SUGT1: variants seen among roughly 807,000 people sequenced by gnomAD.
The protein encoded by SUGT1 is protein SGT1 homolog.
Under a neutral mutation model 56.1 loss-of-function variants are expected in SUGT1, and 15 were observed. That is an observed-to-expected ratio of 0.27 (90% CI 0.18 to 0.41). The LOEUF (loss-of-function observed/expected upper bound fraction) is 0.41, where lower values mean the gene tolerates loss of function less well. Among genes scored for constraint, SUGT1 ranks in the 10% least tolerant of loss-of-function variants. SUGT1 has a pLI of 1.00. For missense variants in SUGT1, 347 were observed against 382.2 expected (o/e 0.91, Z 0.77); for synonymous variants, 123 against 128.6 (o/e 0.96, Z 0.30).
rs1338645906 is a variant in SUGT1, at chr13:52,663,009, G to T, written c.383-87G>T. On this transcript the variant is annotated intron_variant, in intron 6 of 12. Coordinates refer to ENST00000310528, the MANE Select transcript of SUGT1 (RefSeq NM_006704.5). The stretch of plus-strand genomic sequence containing the variant: ...TACGGAGAATTTGCTTGCTTAATCA[G>T]TATGTTTGTGCTATAGAAATCATAC... The T allele has an allele frequency of 9.0e-6, 13 of 1,439,472 alleles. No homozygotes were observed. The South Asian group carries it at 1.5e-4, about 17-fold the overall frequency. The allele number at this position is 1,439,472 out of a possible 1,614,324, so 89.2% of individuals were successfully genotyped here. A position where few individuals can be genotyped will look rare whatever the true frequency, so the allele number is the denominator to read the frequency against.
At chr13:52,681,415 CAAAA>C (rs201016706) in intron 12 of SUGT1, among the ~76,000 whole-genome samples, 156 of 90,966 alleles carry the variant, frequency 1.7e-3, no homozygotes, top group African/African-American at 6.2e-3. Context: ...GACCCTGTCT[CAAAA>C]AAAAAAAAAA....
intron 12 of SUGT1, among the ~76,000 whole-genome samples, chr13:52,683,988 C>G (rs999364413): frequency 6.6e-6 from 1 of 152,084 alleles, no homozygotes; most frequent in African/African-American, 2.4e-5. Context: ...TCAAGTGATC[C>G]TCTCATCTCA....
At chr13:52,676,370 T>C (rs755322410) in intron 11 of SUGT1, 50 bp downstream of exon 11, 42 of 1,448,470 alleles carry the variant, frequency 2.9e-5, no homozygotes, top group Non-Finnish European at 1.9e-5. Context: ...TGTTGTGTAA[T>C]TGAAATTAAA....
chr13:52,665,779 A>G, intron 9 of SUGT1, 46 bp downstream of exon 9: 2 of 1,310,734 alleles, frequency 1.5e-6, no homozygotes, highest in Non-Finnish European at 2.2e-6. Flanking sequence ...TATTATTTGC[A>G]AATTTAGTAT....
intron 2 of SUGT1, among the ~76,000 whole-genome samples, chr13:52,653,867 T>TA (rs1962036177): frequency 6.6e-6 from 1 of 152,230 alleles, no homozygotes; most frequent in Non-Finnish European, 1.5e-5. Context: ...GTTTTGCTGT[T>TA]ACGTTTAACA....
At chr13:52,666,576 A>G (rs1962712544) in intron 9 of SUGT1, among the ~76,000 whole-genome samples, 1 of 152,146 alleles carries the variant, frequency 6.6e-6, no homozygotes, top group African/African-American at 2.4e-5. Context: ...ATATTATGAA[A>G]CTTATTCTTT....
chr13:52,688,256 G>A lies in SUGT1; in HGVS notation c.*421G>A, dbSNP rs1182779222. On this transcript the variant is annotated 3_prime_UTR_variant, in exon 13 of 13. Coordinates refer to ENST00000310528, the MANE Select transcript of SUGT1 (RefSeq NM_006704.5). ...TACATTGTGTTTGCTTTTAAAAACT[G>A]CTTTTGAATGGAGTTGTAAATACAA... The A allele has an allele frequency of 6.6e-6, 1 of 152,664 alleles. No individual in the cohort carries two copies. The highest frequency in any genetic ancestry group is 1.9e-4 in the East Asian group (1 of 5,206). 9.5% of individuals were successfully genotyped at this position (152,664 alleles called of 1,614,324 possible).
chr13:52,682,049 C>G (rs1963398544), intron 12 of SUGT1, among the ~76,000 whole-genome samples: 1 of 151,608 alleles, frequency 6.6e-6, no homozygotes, highest in Admixed American at 6.6e-5. Context: ...TTCATAGAAC[C>G]AAAATATTTC....
chr13:52,672,648 C>G (rs932371846), intron 10 of SUGT1, among the ~76,000 whole-genome samples: 3 of 152,136 alleles, frequency 2.0e-5, no homozygotes, highest in Non-Finnish European at 4.4e-5. Flanking sequence ...TGAGTACAGT[C>G]TTGAAGTGTA....
rs1057235960 is a variant in SUGT1 at position 52,696,873 on chromosome 13, A to G, written c.*9038A>G. On this transcript the variant is annotated 3_prime_UTR_variant, in exon 13 of 13. Coordinates refer to ENST00000310528, the MANE Select transcript of SUGT1 (RefSeq NM_006704.5). ...TTTAACTACATTGTTAGAGGTAGTA[A>G]CAGTTATATAACTAATCAAAACCAG... The G allele has an allele frequency of 2.0e-5, 3 of 150,132 alleles. No individual in the cohort carries two copies. Among genetic ancestry groups the G allele is most frequent in the African/African-American group, 7.3e-5 (3 of 40,860 alleles). The allele number at this position is 150,132 out of a possible 1,614,324, so 9.3% of individuals were successfully genotyped here. A position where few individuals can be genotyped will look rare whatever the true frequency, so the allele number is the denominator to read the frequency against.
rs1430483092 is a variant in SUGT1, at chr13:52,698,263, A to T, written c.*10428A>T. The stretch of plus-strand genomic sequence containing the variant: ...TCCACTGTCAGTATGAGGAGACAAA[A>T]ACGAAGTCAGGATTTTGGAGCTGGA... On this transcript the variant is annotated 3_prime_UTR_variant, in exon 13 of 13. Transcript: ENST00000310528. 1 of 152,148 alleles carries T rather than the reference A, an allele frequency of 6.6e-6. No individual in the cohort carries two copies. Among genetic ancestry groups the T allele is most frequent in the Non-Finnish European group, 1.5e-5 (1 of 68,036 alleles). The allele number at this position is 152,148 out of a possible 1,614,324, so 9.4% of individuals were successfully genotyped here.
At chr13:52,674,767 A>G (rs1001778193) in intron 10 of SUGT1, among the ~76,000 whole-genome samples, 1 of 152,244 alleles carries the variant, frequency 6.6e-6, no homozygotes, top group African/African-American at 2.4e-5. Flanking sequence ...ACTGTTTTAT[A>G]TAATGTTTAT....
intron 7 of SUGT1, among the ~76,000 whole-genome samples, chr13:52,663,440 A>G (rs964769324): frequency 6.6e-5 from 10 of 152,186 alleles, no homozygotes; most frequent in African/African-American, 2.4e-4. Flanking sequence ...AATCACTTGT[A>G]GGGCTTTTTA....
At chr13:52,666,557 A>T (rs905674381) in intron 9 of SUGT1, among the ~76,000 whole-genome samples, 4 of 152,204 alleles carry the variant, frequency 2.6e-5, no homozygotes, top group Non-Finnish European at 4.4e-5. Context: ...GTGATTAAAT[A>T]TATGACAAAT....
intron 2 of SUGT1, among the ~76,000 whole-genome samples, chr13:52,657,329 A>G (rs371086616): frequency 3.9e-4 from 60 of 152,284 alleles, no homozygotes; most frequent in African/African-American, 1.4e-3. Context: ...GCTACATTAG[A>G]TTGCCTACTT....
intron 3 of SUGT1, 115 bp from the exon 4 acceptor site, chr13:52,658,284 C>T: frequency 1.3e-6 from 2 of 1,545,880 alleles, no homozygotes; most frequent in Non-Finnish European, 8.7e-7. Flanking sequence ...TAATTTAAAA[C>T]CATTTGGCAT....
Position 52,694,936 on chromosome 13 carries a change from C to T in SUGT1, c.*7101C>T, listed in dbSNP as rs1419765856. 1 of 152,292 alleles carries T rather than the reference C, an allele frequency of 6.6e-6. No individual in the cohort carries two copies. The highest frequency in any genetic ancestry group is 1.5e-5 in the Non-Finnish European group (1 of 68,102). The allele number at this position is 152,292 out of a possible 1,614,324, so 9.4% of individuals were successfully genotyped here. On this transcript the variant is annotated 3_prime_UTR_variant, in exon 13 of 13. Coordinates refer to ENST00000310528, the MANE Select transcript of SUGT1 (RefSeq NM_006704.5). ...ATCTCCTGATCTTGTGACCCGCCCG[C>T]CTCGGCCTCCCAAAGTGCTGGGATT... is the stretch of plus-strand genomic sequence containing the variant.
chr13:52,671,028 G>A (rs1243683773), intron 10 of SUGT1, among the ~76,000 whole-genome samples: 2 of 151,846 alleles, frequency 1.3e-5, no homozygotes, highest in African/African-American at 2.4e-5. Flanking sequence ...GTTTTAGAGC[G>A]TATCCTATTG....
intron 10 of SUGT1, among the ~76,000 whole-genome samples, chr13:52,674,837 G>T (rs1963080822): frequency 6.6e-6 from 1 of 152,154 alleles, no homozygotes; most frequent in Admixed American, 6.5e-5. Context: ...TAAAATAGAG[G>T]TGAGAGCATT....
Sources: allele counts gnomAD v4.1 joint callset (sites outside exome capture counted in the v4.1 genomes callset), GRCh38; gene constraint gnomAD v4.1.1; transcripts MANE v1.5; gene names NCBI Gene and HGNC (gene_info 2026-07-23, HGNC 2026-07-21).